Variants in MYO5B observed in about 807,000 individuals in gnomAD.
The protein encoded by MYO5B is myosin VB.
In MYO5B, 143 loss-of-function variants were observed where a neutral mutation model predicts 229.3. That is an observed-to-expected ratio of 0.62 (90% confidence interval 0.54 to 0.72). The LOEUF is 0.72. Among genes scored for constraint, MYO5B ranks in the 30% least tolerant of loss-of-function variants. The pLI is 0.00. For missense variants in MYO5B, 2,321 were observed against 2,331.0 expected (o/e 1.00, Z 0.09); for synonymous variants, 918 against 885.2 (o/e 1.04, Z -0.66).
chr18:50,059,448 T>A (rs928040112), intron 1 of MYO5B, among the ~76,000 whole-genome samples: 1 of 152,212 alleles, frequency 6.6e-6, no homozygotes, highest in Non-Finnish European at 1.5e-5. Flanking sequence ...AACAAGTTAA[T>A]GCCGACTTTG....
chr18:50,072,036 A>T (rs1158580655), intron 1 of MYO5B, among the ~76,000 whole-genome samples: 1 of 152,186 alleles, frequency 6.6e-6, no homozygotes. Context: ...TAGGAGCTAG[A>T]AGTCATCAAG....
chr18:50,134,472 T>C (rs186727014), intron 1 of MYO5B, among the ~76,000 whole-genome samples: 2 of 151,956 alleles, frequency 1.3e-5, no homozygotes, highest in African/African-American at 4.8e-5. Context: ...GGAGAATCAC[T>C]TGAACCCAGG....
chr18:49,934,568 T>A (rs2025229160), intron 16 of MYO5B, among the ~76,000 whole-genome samples: 2 of 152,156 alleles, frequency 1.3e-5, no homozygotes, highest in South Asian at 4.1e-4. Flanking sequence ...AGAGCCCTCA[T>A]CTCCTCTCCC....
At chr18:50,042,590 C>T (rs989965073) in intron 2 of MYO5B, among the ~76,000 whole-genome samples, 5 of 152,156 alleles carry the variant, frequency 3.3e-5, no homozygotes, top group African/African-American at 1.2e-4. Flanking sequence ...GGGGAAATGG[C>T]GAATGTCCGA....
At chr18:50,002,673 G>A (rs1273938220) in intron 4 of MYO5B, among the ~76,000 whole-genome samples, 2 of 152,238 alleles carry the variant, frequency 1.3e-5, no homozygotes, top group African/African-American at 4.8e-5. Flanking sequence ...CAAACCCACT[G>A]TCAAGAGGGC....
At chr18:49,852,673 C>T (rs1006177930) in intron 31 of MYO5B, among the ~76,000 whole-genome samples, 6 of 152,102 alleles carry the variant, frequency 3.9e-5, no homozygotes, top group Non-Finnish European at 5.9e-5. Flanking sequence ...CCCCGCCCTC[C>T]GACTGCCTTC....
At chr18:49,920,699 G>T (rs555119855) in intron 17 of MYO5B, among the ~76,000 whole-genome samples, 5 of 152,158 alleles carry the variant, frequency 3.3e-5, no homozygotes, top group Admixed American at 6.5e-5. Context: ...GTTTACCCAG[G>T]GGGCAACACA....
At chr18:49,943,539 A>G (rs1210814953) in intron 14 of MYO5B, among the ~76,000 whole-genome samples, 1 of 152,200 alleles carries the variant, frequency 6.6e-6, no homozygotes, top group East Asian at 1.9e-4. Flanking sequence ...ACTCAATTCC[A>G]TGTGCAGTCA....
chr18:50,114,705 A>G (rs1274141024), intron 1 of MYO5B, among the ~76,000 whole-genome samples: 1 of 152,194 alleles, frequency 6.6e-6, no homozygotes, highest in African/African-American at 2.4e-5. Context: ...TCATCCTTCT[A>G]CTTGAGTGGC....
At chr18:49,877,115 C>G (rs76955996) in intron 25 of MYO5B, among the ~76,000 whole-genome samples, 36,330 of 151,790 alleles carry the variant, frequency 0.24, 4,476 homozygotes, top group East Asian at 0.42. Flanking sequence ...TTACAAGGTT[C>G]TGTGTGTACG....
intron 16 of MYO5B, among the ~76,000 whole-genome samples, chr18:49,932,005 G>A (rs980639356): frequency 6.6e-6 from 1 of 152,216 alleles, no homozygotes; most frequent in Admixed American, 6.5e-5. Context: ...GTGTTCAGGA[G>A]CATCTGGGAC....
intron 10 of MYO5B, among the ~76,000 whole-genome samples, chr18:49,972,382 G>C (rs374688572): frequency 1.3e-5 from 2 of 152,120 alleles, no homozygotes; most frequent in Non-Finnish European, 2.9e-5. Context: ...AAAACCCAGC[G>C]GAAGATCACA....
At chr18:50,177,523 C>T (rs2144342800) in intron 1 of MYO5B, among the ~76,000 whole-genome samples, 1 of 152,336 alleles carries the variant, frequency 6.6e-6, no homozygotes, top group Non-Finnish European at 1.5e-5. Context: ...AGCCCTATCC[C>T]CCACCCATCC....
chr18:49,980,152 G>C (rs1316830599), intron 9 of MYO5B, among the ~76,000 whole-genome samples: 1 of 152,138 alleles, frequency 6.6e-6, no homozygotes, highest in Non-Finnish European at 1.5e-5. Flanking sequence ...GTACTCAATT[G>C]ATTGACAACA....
chr18:50,065,982 T>G (rs1209974253), intron 1 of MYO5B, among the ~76,000 whole-genome samples: 2 of 151,360 alleles, frequency 1.3e-5, no homozygotes, highest in Non-Finnish European at 2.9e-5. Context: ...AGGACAGTGG[T>G]GAAAGGGGCT....
chr18:49,836,712 T>C lies in MYO5B; in HGVS notation c.5312A>G (p.Gln1771Arg), dbSNP rs758555491. 2 of 1,614,068 alleles carry C rather than the reference T, an allele frequency of 1.2e-6. No homozygotes were observed. The highest frequency in any genetic ancestry group is 2.2e-5 in the South Asian group (2 of 91,080). ...CSLCTSLSTQ[Q>R]IVKILNLYTP... is the part of the protein sequence containing the mutation. Reference sequence around the variant, plus strand: ...GACAGAGGTGCAAAGTGACTGTACCTGCTGGGTGCTGAGGGAGGTACACAG... The same window carrying C: ...GACAGAGGTGCAAAGTGACTGTACCCGCTGGGTGCTGAGGGAGGTACACAG... The change falls in exon 38 of 40, where the codon CAG (glutamine) becomes CGG (arginine). Residue 1771 changes from glutamine to arginine, a missense_variant and splice_region_variant. Around this residue, in one of 2 missense-constraint regions of MYO5B, gnomAD observed 208 missense variants for 286.3 expected, o/e 0.73. Transcript: ENST00000285039.
intron 37 of MYO5B, 52 bp from the exon 38 acceptor site, chr18:49,836,937 T>TG: frequency 1.9e-6 from 3 of 1,569,656 alleles, no homozygotes; most frequent in Non-Finnish European, 2.6e-6. Context: ...CCTAATTCAC[T>TG]GAGAAGGGGA....
chr18:50,004,146 T>C (rs1242115462), intron 4 of MYO5B, among the ~76,000 whole-genome samples: 2 of 151,724 alleles, frequency 1.3e-5, no homozygotes, highest in Non-Finnish European at 2.9e-5. Flanking sequence ...TCATACAAGA[T>C]GTGGAGAAAA....
At chr18:50,147,749 T>C (rs1351954156) in intron 1 of MYO5B, among the ~76,000 whole-genome samples, 1 of 152,088 alleles carries the variant, frequency 6.6e-6, no homozygotes, top group Non-Finnish European at 1.5e-5. Context: ...CCCTACTCTA[T>C]CCCTCATCTC....
Sources: allele counts gnomAD v4.1 joint callset (sites outside exome capture counted in the v4.1 genomes callset), GRCh38; gene constraint gnomAD v4.1.1; regional missense constraint gnomAD v4.1.1; transcripts MANE v1.5; gene names NCBI Gene and HGNC (gene_info 2026-07-23, HGNC 2026-07-21).